COLEC10: variants seen among roughly 807,000 people sequenced by gnomAD.
The protein encoded by COLEC10 is collectin-10.
A neutral mutation model predicts 28.4 loss-of-function variants in COLEC10; 22 were observed. That is an observed-to-expected ratio of 0.78 (90% CI 0.55 to 1.11). The LOEUF is 1.11. COLEC10 is among the 50% of genes least tolerant of loss of function. COLEC10 has a pLI of 0.00. For missense variants in COLEC10, 361 were observed against 344.1 expected (o/e 1.05, Z -0.39); for synonymous variants, 125 against 116.1 (o/e 1.08, Z -0.49).
chr8:119,101,347 T>C (rs1381635505), intron 3 of COLEC10, among the ~76,000 whole-genome samples: 1 of 152,208 alleles, frequency 6.6e-6, no homozygotes, highest in Non-Finnish European at 1.5e-5. Flanking sequence ...GGTCTTCCCT[T>C]TTGATTCTCA....
chr8:119,089,856 C>G (rs754268659), intron 2 of COLEC10, 105 bp downstream of exon 2: 7 of 808,772 alleles, frequency 8.7e-6, no homozygotes, highest in Non-Finnish European at 1.2e-5. Flanking sequence ...CCCTCTGCCC[C>G]AACAATGCCT....
the COLEC10 span, among the ~76,000 whole-genome samples, chr8:118,956,209 A>G: frequency 6.6e-6 from 1 of 152,152 alleles, no homozygotes; most frequent in African/African-American, 2.4e-5. Flanking sequence ...CCTAATCACC[A>G]TCCAAAGGCC....
the COLEC10 span, among the ~76,000 whole-genome samples, chr8:118,967,132 T>C: frequency 1.8e-3 from 280 of 152,258 alleles, 2 homozygotes; most frequent in African/African-American, 6.4e-3. Flanking sequence ...TAACACAGGG[T>C]GATTTTATAT....
intron 2 of COLEC10, among the ~76,000 whole-genome samples, chr8:119,054,261 T>A (rs1814726272): frequency 6.6e-6 from 1 of 152,130 alleles, no homozygotes; most frequent in Non-Finnish European, 1.5e-5. Flanking sequence ...TTCTGGAATT[T>A]TCCATTTAAT....
the COLEC10 span, among the ~76,000 whole-genome samples, chr8:118,987,404 A>G: frequency 1.6e-3 from 242 of 152,248 alleles, no homozygotes; most frequent in Middle Eastern, 3.4e-3. Context: ...TCTCTACTGA[A>G]AACACAAACA....
intron 1 of COLEC10, among the ~76,000 whole-genome samples, chr8:119,008,194 CTG>C (rs1813840364): frequency 1.3e-5 from 2 of 150,866 alleles, no homozygotes; most frequent in East Asian, 3.9e-4. Flanking sequence ...TTTTTTCAAA[CTG>C]AGAACTTTCT....
At chr8:119,077,438 G>A (rs975768110) in intron 1 of COLEC10, among the ~76,000 whole-genome samples, 3 of 152,074 alleles carry the variant, frequency 2.0e-5, no homozygotes, top group African/African-American at 7.2e-5. Context: ...CTGCCAAGGT[G>A]TCCCAGCATC....
intron 4 of COLEC10, 54 bp from the exon 5 acceptor site, chr8:119,103,746 T>C: frequency 7.6e-6 from 8 of 1,049,562 alleles, no homozygotes; most frequent in Non-Finnish European, 1.2e-5. Flanking sequence ...AATGTTCCTT[T>C]CCACTGGTCT....
At position 119,053,859 on chromosome 8, in the gene COLEC10, G is replaced by A. The variant is rs962178622; in HGVS notation, n.236-35821G>A. 4.6e-5 allele frequency among the ~76,000 whole-genome samples: 7 copies of A among 152,088 alleles called. No individual in the cohort carries two copies. In the East Asian group the frequency reaches 1.4e-3, roughly 29 times the overall value. On this transcript the variant is annotated intron_variant and non_coding_transcript_variant, in intron 2 of 6. Transcript: ENST00000521788. ...ACATTCCAATTGGATACTTGAAACC[G>A]TGGATAGTATTGAACCCTATATATA...
At position 119,091,337 on chromosome 8, in the gene COLEC10, C is replaced by A. The variant is rs1050312637; in HGVS notation, c.292+117C>A. Reference sequence around the variant, plus strand: ...CCGAGGTGGGAGGATACCTTGAAGCCAAGAATTCAAAACCAGCCTGCACAA... The same window carrying A: ...CCGAGGTGGGAGGATACCTTGAAGCAAAGAATTCAAAACCAGCCTGCACAA... On this transcript the variant is annotated intron_variant, in intron 3 of 5. Coordinates refer to ENST00000332843, the MANE Select transcript of COLEC10 (RefSeq NM_006438.5). 7.5e-6 allele frequency: 5 copies of A among 667,678 alleles called. No individual in the cohort carries two copies. In the African/African-American group the frequency reaches 7.6e-5, roughly 10 times the overall value. 41.4% of individuals were successfully genotyped at this position (667,678 alleles called of 1,614,324 possible).
At chr8:119,016,016 G>A (rs746478467) in intron 2 of COLEC10, among the ~76,000 whole-genome samples, 3 of 152,100 alleles carry the variant, frequency 2.0e-5, no homozygotes, top group East Asian at 1.9e-4. Flanking sequence ...TTACAAATGA[G>A]GAAACTGGGC....
the COLEC10 span, among the ~76,000 whole-genome samples, chr8:118,953,299 T>A: frequency 0.17 from 26,245 of 152,220 alleles, 2,469 homozygotes; most frequent in East Asian, 0.32. Flanking sequence ...TCCAAATCAC[T>A]CCTTGTATTT....
At chr8:119,091,264 T>C (rs1815587758) in intron 3 of COLEC10, 44 bp downstream of exon 3, 2 of 1,460,666 alleles carry the variant, frequency 1.4e-6, no homozygotes, top group Non-Finnish European at 1.9e-6. Context: ...TCAAAGCAAA[T>C]TGAGGCCGGG....
At chr8:118,994,689 C>T (rs1309487334), upstream of COLEC10, among the ~76,000 whole-genome samples, 1 of 152,136 alleles carries the variant, frequency 6.6e-6, no homozygotes, top group East Asian at 1.9e-4. Flanking sequence ...TTTTTGCTGC[C>T]TCCTCAACAC....
At chr8:118,976,295 A>G in the COLEC10 span, among the ~76,000 whole-genome samples, 1 of 152,072 alleles carries the variant, frequency 6.6e-6, no homozygotes, top group South Asian at 2.1e-4. Context: ...ATACATAAAA[A>G]GTAACTCTTT....
intron 1 of COLEC10, among the ~76,000 whole-genome samples, chr8:119,073,919 A>G (rs1482283062): frequency 1.3e-5 from 2 of 149,832 alleles, no homozygotes; most frequent in Non-Finnish European, 3.0e-5. Context: ...ATATATGTAT[A>G]TATGTGTATA....
the COLEC10 span, among the ~76,000 whole-genome samples, chr8:118,978,049 T>G: frequency 0.017 from 2,571 of 152,158 alleles, 60 homozygotes; most frequent in African/African-American, 0.058. Context: ...TAACCCACAC[T>G]GATTTTACAA....
chr8:118,994,501 C>T (rs1407898609), upstream of COLEC10, among the ~76,000 whole-genome samples: 1 of 152,158 alleles, frequency 6.6e-6, no homozygotes, highest in Non-Finnish European at 1.5e-5. Context: ...AGCTAGAATG[C>T]TTCACGTGTA....
chr8:119,046,178 T>C (rs1180905582), intron 2 of COLEC10, among the ~76,000 whole-genome samples: 1 of 152,218 alleles, frequency 6.6e-6, no homozygotes, highest in African/African-American at 2.4e-5. Flanking sequence ...TGATTTCTTC[T>C]GGAAATGAAT....
Sources: gnomAD v4.1 joint callset for allele counts (sites outside exome capture counted in the v4.1 genomes callset) on GRCh38, gnomAD v4.1.1 for gene constraint, MANE v1.5 for transcripts, NCBI Gene and HGNC (gene_info 2026-07-23, HGNC 2026-07-21) for gene names.